CALN1: variants seen among roughly 807,000 people sequenced by gnomAD.
CALN1 encodes the protein calneuron 1.
Under a neutral mutation model 30.6 loss-of-function variants are expected in CALN1, and 17 were observed. That is an observed-to-expected ratio of 0.56 (90% CI 0.38 to 0.83). The LOEUF is 0.83. Ranked by LOEUF, CALN1 falls within the 40% of genes least tolerant of loss-of-function variation. The pLI is 0.00. For synonymous variants in CALN1, 156 were observed against 131.4 expected (o/e 1.19, Z -1.28); for missense variants, 291 against 354.9 (o/e 0.82, Z 1.45).
At chr7:72,031,486 G>C (rs1317785430) in intron 4 of CALN1, among the ~76,000 whole-genome samples, 4 of 151,972 alleles carry the variant, frequency 2.6e-5, no homozygotes, top group Non-Finnish European at 5.9e-5. Context: ...AGATAACTTA[G>C]AAAAAAAGAG....
chr7:71,874,342 C>T (rs1191276383), intron 5 of CALN1, among the ~76,000 whole-genome samples: 1 of 146,648 alleles, frequency 6.8e-6, no homozygotes, highest in Non-Finnish European at 1.5e-5. Flanking sequence ...CAGAAAGATT[C>T]ATCCATCAAG....
At chr7:72,275,758 A>G (rs1797293685) in intron 3 of CALN1, among the ~76,000 whole-genome samples, 2 of 152,162 alleles carry the variant, frequency 1.3e-5, no homozygotes, top group Admixed American at 6.5e-5. Flanking sequence ...CTACATACTG[A>G]AAAAGTGCAT....
chr7:72,247,338 T>TC (rs1277193792), intron 3 of CALN1, among the ~76,000 whole-genome samples: 2 of 138,372 alleles, frequency 1.4e-5, no homozygotes, highest in African/African-American at 2.7e-5. Context: ...AAGTTCCGCC[T>TC]CCCGGTTCAC....
chr7:72,406,021 G>C (rs1046442486), intron 1 of CALN1, among the ~76,000 whole-genome samples: 18 of 152,188 alleles, frequency 1.2e-4, no homozygotes, highest in African/African-American at 4.3e-4. Flanking sequence ...GGCACTGAAG[G>C]TGGCAGCTCC....
rs185841485 is a variant in CALN1, at chr7:72,395,317, G to A, written c.119+7934C>T. Among the ~76,000 whole-genome samples, 200 of 150,946 alleles carry A rather than the reference G, an allele frequency of 1.3e-3. 3 individuals carry two copies. Among genetic ancestry groups the A allele is most frequent in the African/African-American group, 4.5e-3 (183 of 40,950 alleles). On this transcript the variant is annotated intron_variant, in intron 2 of 6. Coordinates refer to ENST00000395275, the MANE Select transcript of CALN1 (RefSeq NM_031468.4). The stretch of plus-strand genomic sequence containing the variant: ...ATAAACACTTAATAGGTGGTTTCCA[G>A]GCTTTAGCAAACACATACACACACA...
chr7:71,807,022 G>A (rs1378092636), intron 6 of CALN1, among the ~76,000 whole-genome samples: 4 of 152,228 alleles, frequency 2.6e-5, no homozygotes, highest in East Asian at 3.8e-4. Flanking sequence ...CATGGTTGAC[G>A]TGGCTGGACA....
chr7:72,328,445 T>C, intron 2 of CALN1, among the ~76,000 whole-genome samples: 1 of 152,236 alleles, frequency 6.6e-6, no homozygotes, highest in East Asian at 1.9e-4. Context: ...GCCATGATTG[T>C]GAGGCCTCCC....
At chr7:71,823,457 C>T (rs1033691912) in intron 5 of CALN1, among the ~76,000 whole-genome samples, 9 of 152,308 alleles carry the variant, frequency 5.9e-5, no homozygotes, top group East Asian at 5.8e-4. Context: ...CGGTGGCTCA[C>T]GCCTGTAATC....
intron 5 of CALN1, among the ~76,000 whole-genome samples, chr7:71,977,364 G>C (rs1469616187): frequency 6.6e-6 from 1 of 152,152 alleles, no homozygotes; most frequent in Non-Finnish European, 1.5e-5. Context: ...AAGCCAAGGA[G>C]TTCAAGGCTG....
chr7:72,203,441 T>C (rs564563953), intron 3 of CALN1, among the ~76,000 whole-genome samples: 35 of 152,286 alleles, frequency 2.3e-4, no homozygotes, highest in African/African-American at 7.7e-4. Flanking sequence ...AAAAATTTAG[T>C]TCCCAAACTC....
chr7:72,347,905 G>T (rs1158755380), intron 2 of CALN1, among the ~76,000 whole-genome samples: 1 of 152,026 alleles, frequency 6.6e-6, no homozygotes, highest in South Asian at 2.1e-4. Context: ...GAGGAGGGTG[G>T]ATCACTTGAG....
chr7:72,369,310 T>G lies in CALN1; in HGVS notation c.119+33941A>C, dbSNP rs189489439. On this transcript the variant is annotated intron_variant, in intron 2 of 6. Coordinates refer to ENST00000395275, the MANE Select transcript of CALN1 (RefSeq NM_031468.4). ...TAAAATATATATATTTATATATTTA[T>G]AAATATTTATAATATATATAATTTA... Among the ~76,000 whole-genome samples the G allele has an allele frequency of 3.1e-3, 443 of 144,690 alleles. 3 individuals are homozygous for G. Among genetic ancestry groups the G allele is most frequent in the African/African-American group, 9.3e-3 (360 of 38,522 alleles). The allele number at this position is 144,690 out of a possible 152,430, so 94.9% of individuals were successfully genotyped here. A position where few individuals can be genotyped will look rare whatever the true frequency, so the allele number is the denominator to read the frequency against.
intron 5 of CALN1, among the ~76,000 whole-genome samples, chr7:71,970,965 C>G (rs963309049): frequency 1.3e-5 from 2 of 152,156 alleles, no homozygotes; most frequent in African/African-American, 4.8e-5. Flanking sequence ...ACTCGGCATT[C>G]CCAGCGGAGG....
At chr7:72,254,367 A>G (rs1004227691) in intron 3 of CALN1, among the ~76,000 whole-genome samples, 1 of 152,178 alleles carries the variant, frequency 6.6e-6, no homozygotes, top group East Asian at 1.9e-4. Context: ...GTTTGAGTGT[A>G]CTTGATTTGT....
intron 2 of CALN1, among the ~76,000 whole-genome samples, chr7:72,387,558 A>G (rs1181070437): frequency 6.6e-6 from 1 of 152,058 alleles, no homozygotes; most frequent in African/African-American, 2.4e-5. Flanking sequence ...CTTTGATACA[A>G]TGTGATGAAA....
At chr7:71,901,426 C>CAAAAAAAAAAAAAAAAAAA (rs35289312) in intron 5 of CALN1, among the ~76,000 whole-genome samples, 1 of 132,688 alleles carries the variant, frequency 7.5e-6, no homozygotes. Flanking sequence ...CATATGGAAC[C>CAAAAAAAAAAAAAAAAAAA]AAAAAAAAAA....
At chr7:72,163,882 T>TTC (rs1258553413) in intron 3 of CALN1, among the ~76,000 whole-genome samples, 1 of 152,066 alleles carries the variant, frequency 6.6e-6, no homozygotes, top group Non-Finnish European at 1.5e-5. Context: ...AAGTGAAGAT[T>TTC]TCCCAGGCTT....
intron 2 of CALN1, among the ~76,000 whole-genome samples, chr7:72,390,198 A>C (rs1805490160): frequency 1.3e-5 from 2 of 152,038 alleles, no homozygotes; most frequent in African/African-American, 4.8e-5. Context: ...TGGGAGGCCG[A>C]GGCGGGTGAA....
At chr7:71,793,599 TG>T (rs1296890279) in intron 6 of CALN1, among the ~76,000 whole-genome samples, 3 of 151,838 alleles carry the variant, frequency 2.0e-5, no homozygotes, top group Non-Finnish European at 4.4e-5. Context: ...GGGCTGGGTG[TG>T]GTGGCTCACA....
Sources: allele counts gnomAD v4.1 joint callset (sites outside exome capture counted in the v4.1 genomes callset), GRCh38; gene constraint gnomAD v4.1.1; transcripts MANE v1.5; gene names NCBI Gene and HGNC (gene_info 2026-07-23, HGNC 2026-07-21).